The following DNAJC27 variants were observed in gnomAD, a reference collection of about 807,000 sequenced individuals.
DNAJC27 encodes dnaJ homolog subfamily C member 27.
In DNAJC27, 25 loss-of-function variants were observed where a neutral mutation model predicts 31.4. The observed-to-expected ratio is 0.80, with a 90% CI of 0.58 to 1.11. The LOEUF (loss-of-function observed/expected upper bound fraction) is 1.11, where lower values mean the gene tolerates loss of function less well. Among genes scored for constraint, DNAJC27 ranks in the 50% most tolerant of loss-of-function variants. DNAJC27 has a pLI of 0.00. For synonymous variants in DNAJC27, 106 were observed against 112.7 expected (o/e 0.94, Z 0.37); for missense variants, 356 against 347.3 (o/e 1.02, Z -0.20).
At chr2:24,971,721 A>T in intron 1 of DNAJC27, 97 bp downstream of exon 1, 3 of 1,072,046 alleles carry the variant, frequency 2.8e-6, no homozygotes, top group Non-Finnish European at 3.9e-6. Context: ...GGCGGAGAGG[A>T]GGCCGGGCCC....
chr2:24,966,671 C>T (rs1281927417), intron 2 of DNAJC27, among the ~76,000 whole-genome samples: 2 of 152,082 alleles, frequency 1.3e-5, no homozygotes, highest in Non-Finnish European at 2.9e-5. Flanking sequence ...GTTGGTCAGG[C>T]TGGTCTTGAA....
rs533538495 is a variant in DNAJC27, at chr2:24,944,071, C to T, written c.*3545G>A. ...AAATACCAATTATGAGAAGTACGAA[C>T]CTCTCTTCACTTTGCAAAGCTTGCA... On this transcript the variant is annotated 3_prime_UTR_variant, in exon 7 of 7. Coordinates refer to ENST00000264711, the MANE Select transcript of DNAJC27 (RefSeq NM_016544.3). 6.6e-6 allele frequency: 1 copy of T among 152,238 alleles called. No individual in the cohort carries two copies. The highest frequency in any genetic ancestry group is 1.5e-5 in the Non-Finnish European group (1 of 68,046). 9.4% of individuals were successfully genotyped at this position (152,238 alleles called of 1,614,324 possible). A position where few individuals can be genotyped will look rare whatever the true frequency, so the allele number is the denominator to read the frequency against.
intron 1 of DNAJC27, among the ~76,000 whole-genome samples, chr2:24,969,649 T>C (rs973815822): frequency 3.3e-5 from 5 of 152,120 alleles, no homozygotes; most frequent in Admixed American, 3.3e-4. Context: ...TGGCTAATTT[T>C]TTGTATTTTA....
intron 1 of DNAJC27, among the ~76,000 whole-genome samples, chr2:24,969,831 T>C (rs865986168): frequency 2.0e-5 from 3 of 152,234 alleles, no homozygotes; most frequent in Non-Finnish European, 1.5e-5. Context: ...ATTTCTTTTT[T>C]TTCCCCACAA....
upstream of DNAJC27, chr2:24,972,022 T>C (rs949784430): frequency 2.7e-6 from 2 of 728,314 alleles, no homozygotes; most frequent in Non-Finnish European, 4.1e-6. Context: ...TCGCCTCCGC[T>C]GCTCGCCATC....
chr2:24,954,365 CCCA>C (rs2149123370), intron 5 of DNAJC27, among the ~76,000 whole-genome samples: 1 of 152,202 alleles, frequency 6.6e-6, no homozygotes, highest in Non-Finnish European at 1.5e-5. Context: ...CATTAATTGC[CCCA>C]CCATCTACTG....
intron 5 of DNAJC27, among the ~76,000 whole-genome samples, chr2:24,954,443 A>T (rs1264834625): frequency 6.6e-6 from 1 of 152,188 alleles, no homozygotes; most frequent in Non-Finnish European, 1.5e-5. Flanking sequence ...TAAAACCAAG[A>T]GCTGACAAGA....
intron 2 of DNAJC27, 40 bp downstream of exon 2, chr2:24,967,171 T>G: frequency 2.0e-6 from 3 of 1,521,824 alleles, no homozygotes; most frequent in Non-Finnish European, 2.7e-6. Flanking sequence ...AGTTCTGAAC[T>G]TCTATGTAAC....
Position 24,943,906 on chromosome 2 carries a change from T to C in DNAJC27, c.*3710A>G, listed in dbSNP as rs111759308. 688 of 152,656 alleles carry C rather than the reference T, an allele frequency of 4.5e-3. 2 individuals are homozygous for C. The highest frequency in any genetic ancestry group is 5.5e-3 in the Non-Finnish European group (373 of 68,054). The allele number at this position is 152,656 out of a possible 1,614,324, so 9.5% of individuals were successfully genotyped here. A position where few individuals can be genotyped will look rare whatever the true frequency, so the allele number is the denominator to read the frequency against. Reference sequence around the variant, plus strand: ...ACTCATCTTGCCAACAGGGCCTCTATTGCACCGCCTAATATTGCACTGCTC... The same window carrying C: ...ACTCATCTTGCCAACAGGGCCTCTACTGCACCGCCTAATATTGCACTGCTC... On this transcript the variant is annotated 3_prime_UTR_variant, in exon 7 of 7. Transcript: ENST00000264711.
chr2:24,970,837 C>T (rs370515331), intron 1 of DNAJC27, among the ~76,000 whole-genome samples: 4 of 152,080 alleles, frequency 2.6e-5, no homozygotes, highest in East Asian at 3.9e-4. Context: ...CTAGCACATA[C>T]ACACAAAAGT....
intron 3 of DNAJC27, among the ~76,000 whole-genome samples, chr2:24,960,595 G>A (rs1434278810): frequency 6.6e-6 from 1 of 152,348 alleles, no homozygotes; most frequent in East Asian, 1.9e-4. Flanking sequence ...CTTCTTGAAT[G>A]AAATTAAAAA....
In DNAJC27 at chr2:24,951,559, A is replaced by G. The variant is rs1005496318; in HGVS notation, c.529-5T>C. On this transcript the variant is annotated splice_polypyrimidine_tract_variant and splice_region_variant and intron_variant, in intron 5 of 6. Transcript: ENST00000264711. ...AACTATGGATATATAAAAGGTCTAC[A>G]AGAAGAAAACATAACCCAGGGTAGA... is the stretch of plus-strand genomic sequence containing the variant. 1 of 1,606,480 alleles carries G rather than the reference A, an allele frequency of 6.2e-7. No homozygotes were observed. Among genetic ancestry groups the G allele is most frequent in the Non-Finnish European group, 8.5e-7 (1 of 1,176,086 alleles).
chr2:24,961,731 G>T (rs1388364394), intron 3 of DNAJC27, among the ~76,000 whole-genome samples: 1 of 152,124 alleles, frequency 6.6e-6, no homozygotes, highest in Non-Finnish European at 1.5e-5. Flanking sequence ...TAGAAGTAGG[G>T]CCTGAAGATG....
At chr2:24,960,670 C>T (rs1395089563) in intron 3 of DNAJC27, among the ~76,000 whole-genome samples, 5 of 152,188 alleles carry the variant, frequency 3.3e-5, no homozygotes, top group Admixed American at 6.5e-5. Context: ...ATGGAGAAAG[C>T]GTTAGTGGTC....
intron 6 of DNAJC27, among the ~76,000 whole-genome samples, chr2:24,949,687 G>A (rs1303441320): frequency 2.0e-5 from 3 of 152,250 alleles, no homozygotes; most frequent in Middle Eastern, 3.4e-3. Context: ...AAACCTATAG[G>A]GGCCTGTAAG....
intron 1 of DNAJC27, among the ~76,000 whole-genome samples, chr2:24,967,676 G>A (rs1433821771): frequency 1.3e-5 from 2 of 151,236 alleles, no homozygotes; most frequent in Non-Finnish European, 2.9e-5. Context: ...ACTCCAGCCT[G>A]GGTGGTAAGA....
At position 24,944,375 on chromosome 2, in the gene DNAJC27, T is replaced by A. The variant is rs951074180; in HGVS notation, c.*3241A>T. On this transcript the variant is annotated 3_prime_UTR_variant, in exon 7 of 7. Transcript: ENST00000264711. ...TCCTTTTTTTTTTTTTTCTTTTTTT[T>A]AAAAAACTGATTCAGAGCTTGCAGT... is the stretch of plus-strand genomic sequence containing the variant. 7 of 152,480 alleles carry A rather than the reference T, an allele frequency of 4.6e-5. No homozygotes were observed. Among genetic ancestry groups the A allele is most frequent in the East Asian group, 1.9e-4 (1 of 5,190 alleles). 9.4% of individuals were successfully genotyped at this position (152,480 alleles called of 1,614,324 possible). A position where few individuals can be genotyped will look rare whatever the true frequency, so the allele number is the denominator to read the frequency against.
intron 6 of DNAJC27, among the ~76,000 whole-genome samples, chr2:24,948,624 G>A (rs1011334403): frequency 2.6e-5 from 4 of 152,162 alleles, no homozygotes; most frequent in Admixed American, 1.3e-4. Context: ...TCTCCAATCC[G>A]GCGGTTCCGA....
intron 6 of DNAJC27, 106 bp from the exon 7 acceptor site, chr2:24,947,854 A>G: frequency 2.4e-6 from 3 of 1,272,546 alleles, no homozygotes; most frequent in Middle Eastern, 2.3e-4. Flanking sequence ...CATATCCTAA[A>G]TTATTACCCT....
Sources: gnomAD v4.1 joint callset for allele counts (sites outside exome capture counted in the v4.1 genomes callset) on GRCh38, gnomAD v4.1.1 for gene constraint, MANE v1.5 for transcripts, NCBI Gene and HGNC (gene_info 2026-07-23, HGNC 2026-07-21) for gene names.